The following PCDH15 variants were observed in gnomAD, a reference collection of about 807,000 sequenced individuals.
PCDH15 encodes the protein protocadherin-15.
In PCDH15, 129 loss-of-function variants were observed where a neutral mutation model predicts 178.5. The observed-to-expected ratio is 0.72, with a 90% CI of 0.63 to 0.84. The LOEUF is 0.84. Ranked by LOEUF, PCDH15 falls within the 40% of genes least tolerant of loss-of-function variation. The probability of loss-of-function intolerance (pLI) is 0.00; values close to 1 mark genes in which losing one functional copy is unlikely to be tolerated. For synonymous variants in PCDH15, 800 were observed against 732.0 expected (o/e 1.09, Z -1.50); for missense variants, 2,230 against 2,099.9 (o/e 1.06, Z -1.21).
intron 1 of PCDH15, among the ~76,000 whole-genome samples, chr10:54,786,122 A>G (rs1227850539): frequency 6.6e-6 from 1 of 152,010 alleles, no homozygotes; most frequent in Non-Finnish European, 1.5e-5. Flanking sequence ...AAAGTCCCAT[A>G]ATCACCGTCA....
At chr10:55,117,885 G>A (rs111820725) in intron 2 of PCDH15, among the ~76,000 whole-genome samples, 48 of 152,138 alleles carry the variant, frequency 3.2e-4, no homozygotes, top group African/African-American at 9.2e-4. Context: ...AGATCTAAGC[G>A]GAAAGAGAAA....
chr10:55,336,826 C>A (rs1433999223), intron 2 of PCDH15, among the ~76,000 whole-genome samples: 1 of 152,122 alleles, frequency 6.6e-6, no homozygotes. Context: ...AAAGCTTGTA[C>A]AAAATAAGTA....
chr10:55,168,178 C>G (rs1839243440), intron 1 of PCDH15, among the ~76,000 whole-genome samples: 1 of 152,064 alleles, frequency 6.6e-6, no homozygotes, highest in African/African-American at 2.4e-5. Flanking sequence ...CCTTTCCAGA[C>G]AAATTATGGA....
chr10:54,239,417 A>AT (rs201947729), intron 8 of PCDH15, among the ~76,000 whole-genome samples: 6,168 of 148,704 alleles, frequency 0.041, 313 homozygotes, highest in African/African-American at 0.12. Context: ...GTGATTAAAT[A>AT]TATATATATA....
chr10:55,594,015 T>C (rs1473384207), intron 2 of PCDH15, among the ~76,000 whole-genome samples: 1 of 151,924 alleles, frequency 6.6e-6, no homozygotes, highest in Non-Finnish European at 1.5e-5. Flanking sequence ...TTAGAGTGCT[T>C]GTGTCCTAAA....
intron 1 of PCDH15, among the ~76,000 whole-genome samples, chr10:54,749,788 G>GTGCT (rs960911838): frequency 2.6e-5 from 4 of 152,104 alleles, no homozygotes. Context: ...AAAACCCTAC[G>GTGCT]TGCTTGCTTG....
At chr10:54,043,679 C>A (rs1175435323) in intron 18 of PCDH15, among the ~76,000 whole-genome samples, 3 of 151,938 alleles carry the variant, frequency 2.0e-5, no homozygotes, top group African/African-American at 7.2e-5. Context: ...GAGCCACTAC[C>A]CCTGGTCTCA....
intron 15 of PCDH15, among the ~76,000 whole-genome samples, chr10:54,106,002 G>A (rs145618655): frequency 3.3e-5 from 5 of 152,154 alleles, no homozygotes; most frequent in African/African-American, 7.2e-5. Context: ...GCATTAAAAC[G>A]TTAAACTAAG....
At chr10:55,149,097 T>C (rs1258637040) in intron 2 of PCDH15, among the ~76,000 whole-genome samples, 1 of 151,296 alleles carries the variant, frequency 6.6e-6, no homozygotes, top group African/African-American at 2.4e-5. Flanking sequence ...AAACATAAAA[T>C]GTAGTGGTTA....
chr10:54,707,602 GC>G (rs2132310330), intron 1 of PCDH15, among the ~76,000 whole-genome samples: 1 of 152,240 alleles, frequency 6.6e-6, no homozygotes, highest in Non-Finnish European at 1.5e-5. Flanking sequence ...AAAATACACA[GC>G]CTATCTGACT....
intron 2 of PCDH15, among the ~76,000 whole-genome samples, chr10:54,557,501 A>G (rs922464976): frequency 6.6e-5 from 10 of 152,250 alleles, no homozygotes; most frequent in Non-Finnish European, 1.5e-4. Context: ...GATATACAAC[A>G]TTACTCATGT....
At chr10:54,596,186 GA>G (rs1277110049) in intron 2 of PCDH15, among the ~76,000 whole-genome samples, 21 of 151,862 alleles carry the variant, frequency 1.4e-4, no homozygotes, top group Non-Finnish European at 1.8e-4. Context: ...CAAAATGAAA[GA>G]AAAAAATGTT....
intron 1 of PCDH15, among the ~76,000 whole-genome samples, chr10:55,250,256 G>T (rs941258921): frequency 2.0e-5 from 3 of 151,828 alleles, no homozygotes; most frequent in Non-Finnish European, 2.9e-5. Context: ...TGATCCTCCC[G>T]CATCAGCCTT....
chr10:54,331,308 A>G (rs183781543), intron 6 of PCDH15, among the ~76,000 whole-genome samples: 1 of 151,968 alleles, frequency 6.6e-6, no homozygotes, highest in East Asian at 1.9e-4. Flanking sequence ...GGGGATGCAT[A>G]AAGACACACA....
At chr10:54,619,865 A>G (rs2093300454) in intron 2 of PCDH15, among the ~76,000 whole-genome samples, 1 of 152,012 alleles carries the variant, frequency 6.6e-6, no homozygotes, top group South Asian at 2.1e-4. Flanking sequence ...AGGTTCACTG[A>G]TTGTGTTATC....
chr10:55,546,897 G>A (rs1261818337), intron 2 of PCDH15, among the ~76,000 whole-genome samples: 1 of 152,062 alleles, frequency 6.6e-6, no homozygotes. Flanking sequence ...AAGGAAGCAG[G>A]AGGCAGCAGG....
chr10:54,806,660 A>G (rs925533029), intron 3 of PCDH15, among the ~76,000 whole-genome samples: 5 of 151,644 alleles, frequency 3.3e-5, no homozygotes, highest in African/African-American at 9.7e-5. Flanking sequence ...ATTTTTTTGT[A>G]TTTTTAGTAC....
At chr10:55,174,362 G>A (rs1178176878) in intron 1 of PCDH15, among the ~76,000 whole-genome samples, 1 of 152,106 alleles carries the variant, frequency 6.6e-6, no homozygotes, top group Non-Finnish European at 1.5e-5. Context: ...ACCAGAGTGA[G>A]AACTTCTATC....
intron 3 of PCDH15, among the ~76,000 whole-genome samples, chr10:54,448,770 G>A (rs2076290396): frequency 6.6e-6 from 1 of 151,656 alleles, no homozygotes; most frequent in Non-Finnish European, 1.5e-5. Context: ...TTCCTTCTCT[G>A]AAAGGCTAGA....
Sources: allele counts gnomAD v4.1 joint callset (sites outside exome capture counted in the v4.1 genomes callset), GRCh38; gene constraint gnomAD v4.1.1; transcripts MANE v1.5; gene names NCBI Gene and HGNC (gene_info 2026-07-23, HGNC 2026-07-21).